The following KCNG2 variants were observed in gnomAD, a reference collection of about 807,000 sequenced individuals.
KCNG2 encodes the protein voltage-gated potassium channel regulatory subunit KCNG2.
A neutral mutation model predicts 12.3 loss-of-function variants in KCNG2; 7 were observed. The ratio of observed to expected loss-of-function variants is 0.57; its 90% CI spans 0.32 to 1.07. The LOEUF (loss-of-function observed/expected upper bound fraction) is 1.07, where lower values mean the gene tolerates loss of function less well. Among genes scored for constraint, KCNG2 ranks in the 50% least tolerant of loss-of-function variants. The pLI is 0.04. For synonymous variants in KCNG2, 414 were observed against 351.4 expected (o/e 1.18, Z -1.99); for missense variants, 703 against 726.0 (o/e 0.97, Z 0.36).
At chr18:79,869,795 C>G (rs1344722385) in intron 3 of KCNG2, among the ~76,000 whole-genome samples, 1 of 152,216 alleles carries the variant, frequency 6.6e-6, no homozygotes, top group East Asian at 1.9e-4. Context: ...ATTCTAAACC[C>G]AAACACACCC....
intron 3 of KCNG2, among the ~76,000 whole-genome samples, chr18:79,898,793 C>T (rs926521132): frequency 6.6e-6 from 1 of 152,270 alleles, no homozygotes; most frequent in Non-Finnish European, 1.5e-5. Flanking sequence ...ACATTATTTT[C>T]ACCAGTTTCC....
chr18:79,897,639 C>T (rs960904804), intron 3 of KCNG2, among the ~76,000 whole-genome samples: 2 of 152,216 alleles, frequency 1.3e-5, no homozygotes, highest in East Asian at 1.9e-4. Flanking sequence ...CCTCCTCCTC[C>T]TCCACATACC....
intron 3 of KCNG2, among the ~76,000 whole-genome samples, chr18:79,879,443 G>A (rs576583655): frequency 6.6e-5 from 10 of 152,266 alleles, no homozygotes; most frequent in Admixed American, 3.9e-4. Flanking sequence ...AATCAGGGAC[G>A]CCAAGAGGGC....
rs891304637 is a variant in KCNG2 at position 79,800,577 on chromosome 18, C to T, written c.-115+2563C>T. Among the ~76,000 whole-genome samples the T allele has an allele frequency of 7.2e-5, 11 of 152,216 alleles. No individual in the cohort carries two copies. Among genetic ancestry groups the T allele is most frequent in the African/African-American group, 1.4e-4 (6 of 41,454 alleles). ...CCTGCCTCTGACGAGACATGTACCC[C>T]GCCTTCCCGTGTGGGAGGCACTCAG... On this transcript the variant is annotated intron_variant, in intron 1 of 3. Coordinates refer to ENST00000316249, the MANE Select transcript of KCNG2 (RefSeq NM_012283.2). The surrounding 1 kb of genome is among the most constrained non-coding windows in gnomAD (Gnocchi z 4.0).
At chr18:79,824,115 A>G (rs1381088312) in intron 1 of KCNG2, among the ~76,000 whole-genome samples, 2 of 151,836 alleles carry the variant, frequency 1.3e-5, no homozygotes, top group Admixed American at 6.6e-5. Context: ...TGATCCTCCC[A>G]CCTCTCAGCC....
intron 1 of KCNG2, among the ~76,000 whole-genome samples, chr18:79,799,894 C>G (rs1320177495): frequency 1.3e-5 from 2 of 152,160 alleles, no homozygotes; most frequent in East Asian, 3.9e-4. Flanking sequence ...GTGCAGGTGC[C>G]TCCACTCATG....
intron 1 of KCNG2, among the ~76,000 whole-genome samples, chr18:79,799,937 C>A (rs1338263525): frequency 6.6e-6 from 1 of 152,158 alleles, no homozygotes; most frequent in African/African-American, 2.4e-5. Context: ...CGGTCAGAAA[C>A]GATAGCGTGC....
intron 1 of KCNG2, among the ~76,000 whole-genome samples, chr18:79,801,131 A>G (rs2087406689): frequency 6.6e-6 from 1 of 152,250 alleles, no homozygotes; most frequent in African/African-American, 2.4e-5. Flanking sequence ...AGAGGGTTGA[A>G]CTGAATGATG....
At chr18:79,894,359 A>ACATC (rs60165044) in intron 3 of KCNG2, among the ~76,000 whole-genome samples, 21,868 of 102,828 alleles carry the variant, frequency 0.21, 2 homozygotes, top group South Asian at 0.24. Context: ...CACTCCATTC[A>ACATC]TAACGATTGA....
chr18:79,833,879 C>T (rs1421497238), intron 1 of KCNG2, among the ~76,000 whole-genome samples: 4 of 152,112 alleles, frequency 2.6e-5, no homozygotes, highest in Admixed American at 6.5e-5. Flanking sequence ...CTGAGTGCGC[C>T]GGGAAGAGAA....
intron 1 of KCNG2, chr18:79,815,952 GGAAAGA>G (rs1338432954): frequency 6.6e-6 from 1 of 152,204 alleles, no homozygotes; most frequent in Non-Finnish European, 1.5e-5. Context: ...GAGACGAGAG[GGAAAGA>G]CGTCCTGCAA....
Position 79,839,037 on chromosome 18 carries a change from C to T in KCNG2, c.-114-17342C>T, listed in dbSNP as rs1485204550. Reference sequence around the variant, plus strand: ...CTTGGCCAGATGCAGTGGCTCACACCTGTAACCCCAGCACTTTGAGAGGCC... The same window carrying T: ...CTTGGCCAGATGCAGTGGCTCACACTTGTAACCCCAGCACTTTGAGAGGCC... On this transcript the variant is annotated intron_variant, in intron 1 of 3. Transcript: ENST00000316249. 3.3e-5 allele frequency among the ~76,000 whole-genome samples: 5 copies of T among 152,314 alleles called. No individual in the cohort carries two copies. The East Asian group carries it at 7.7e-4, about 23-fold the overall frequency.
At chr18:79,841,169 A>G (rs1978449159) in intron 1 of KCNG2, among the ~76,000 whole-genome samples, 1 of 152,092 alleles carries the variant, frequency 6.6e-6, no homozygotes, top group Non-Finnish European at 1.5e-5. Context: ...TACTCAGTAG[A>G]CTGAGGTGGG....
At chr18:79,855,069 G>A (rs1228428244) in intron 1 of KCNG2, among the ~76,000 whole-genome samples, 9 of 151,550 alleles carry the variant, frequency 5.9e-5, no homozygotes, top group African/African-American at 2.4e-5. Context: ...TAATGTCTTT[G>A]CTTTCCCTAG....
rs28537336 is a variant in KCNG2, at chr18:79,800,464, G to A, written c.-115+2450G>A. Among the ~76,000 whole-genome samples, 2 of 152,170 alleles carry A rather than the reference G, an allele frequency of 1.3e-5. No individual in the cohort carries two copies. The highest frequency in any genetic ancestry group is 6.5e-5 in the Admixed American group (1 of 15,284). On this transcript the variant is annotated intron_variant, in intron 1 of 3. Transcript: ENST00000316249. The surrounding 1 kb of genome is among the most constrained non-coding windows in gnomAD (Gnocchi z 4.0). ...CGGTAGGCATGAGTCCAACGAGGGC[G>A]GGCATTGACCGAGGTAGTTTAAGAC...
intron 2 of KCNG2, among the ~76,000 whole-genome samples, chr18:79,861,236 G>A (rs767942941): frequency 2.7e-4 from 39 of 146,290 alleles, no homozygotes; most frequent in Non-Finnish European, 5.0e-4. Flanking sequence ...CTCATGTCTT[G>A]TGGAGGATTT....
intron 1 of KCNG2, among the ~76,000 whole-genome samples, chr18:79,804,174 T>G (rs1223141459): frequency 1.3e-5 from 2 of 152,188 alleles, no homozygotes; most frequent in African/African-American, 4.8e-5. Flanking sequence ...TCTGGCCACC[T>G]TCACTGCAGG....
At chr18:79,878,246 A>G (rs1249323496) in intron 3 of KCNG2, among the ~76,000 whole-genome samples, 3 of 151,922 alleles carry the variant, frequency 2.0e-5, no homozygotes, top group Non-Finnish European at 4.4e-5. Context: ...GCTGCTTCAC[A>G]TGGCAGTGTG....
At chr18:79,844,022 G>T (rs1029463896) in intron 1 of KCNG2, among the ~76,000 whole-genome samples, 2 of 152,178 alleles carry the variant, frequency 1.3e-5, no homozygotes, top group Non-Finnish European at 2.9e-5. Flanking sequence ...GGCTGAAAGT[G>T]AAAGAGACAG....
Sources: allele counts gnomAD v4.1 joint callset (sites outside exome capture counted in the v4.1 genomes callset), GRCh38; gene constraint gnomAD v4.1.1; non-coding constraint Gnocchi (gnomAD v3.1); transcripts MANE v1.5; gene names NCBI Gene and HGNC (gene_info 2026-07-23, HGNC 2026-07-21).